The following ATP2B2 variants were observed in gnomAD, a reference collection of about 807,000 sequenced individuals.
ATP2B2 encodes the protein plasma membrane calcium-transporting ATPase 2.
Under a neutral mutation model 120.0 loss-of-function variants are expected in ATP2B2, and 15 were observed. The ratio of observed to expected loss-of-function variants is 0.12; its 90% confidence interval spans 0.08 to 0.19. ATP2B2 has a LOEUF of 0.19. Among genes scored for constraint, ATP2B2 ranks in the 10% least tolerant of loss-of-function variants. ATP2B2 has a pLI of 1.00. For synonymous variants in ATP2B2, 694 were observed against 700.3 expected, an observed-to-expected ratio of 0.99 and a Z score of 0.14; for missense variants, 1,045 against 1,719.8, an observed-to-expected ratio of 0.61 and a Z score of 6.94.
At chr3:10,536,980 C>T (rs2067331604) in intron 2 of ATP2B2, among the ~76,000 whole-genome samples, 1 of 152,190 alleles carries the variant, frequency 6.6e-6, no homozygotes, top group South Asian at 2.1e-4. Flanking sequence ...TGCTCTAGCA[C>T]CATTTGTTGA....
chr3:10,383,716 G>C (rs954484197), intron 8 of ATP2B2, among the ~76,000 whole-genome samples: 3 of 152,220 alleles, frequency 2.0e-5, no homozygotes, highest in African/African-American at 7.2e-5. Flanking sequence ...GTGTCATGAG[G>C]ATTAAATGAG....
chr3:10,698,966 G>T (rs559824426), intron 1 of ATP2B2, among the ~76,000 whole-genome samples: 3 of 152,156 alleles, frequency 2.0e-5, no homozygotes, highest in Non-Finnish European at 4.4e-5. Context: ...TCACCTGTGG[G>T]ATGGTCTTCT....
chr3:10,474,633 G>A (rs2065137297), intron 1 of ATP2B2, among the ~76,000 whole-genome samples: 1 of 152,220 alleles, frequency 6.6e-6, no homozygotes, highest in Non-Finnish European at 1.5e-5. Context: ...ACACACGCCT[G>A]CCTGCTTCTT....
At chr3:10,479,086 C>T (rs1029492010) in intron 1 of ATP2B2, among the ~76,000 whole-genome samples, 6 of 125,834 alleles carry the variant, frequency 4.8e-5, no homozygotes, top group Admixed American at 2.5e-4. Context: ...GTCAATTAAA[C>T]CTCTTTTTAA....
At chr3:10,385,233 C>A in intron 8 of ATP2B2, 35 bp downstream of exon 8, 1 of 1,607,814 alleles carries the variant, frequency 6.2e-7, no homozygotes, top group Non-Finnish European at 8.5e-7. Context: ...GACGCCCATC[C>A]AACCATGACC....
intron 1 of ATP2B2, among the ~76,000 whole-genome samples, chr3:10,657,008 G>A (rs1193908829): frequency 6.6e-6 from 1 of 151,658 alleles, no homozygotes; most frequent in Non-Finnish European, 1.5e-5. Flanking sequence ...AGGGGTTTGG[G>A]TTTTTTTTTC....
At chr3:10,646,883 G>A (rs1205048748) in intron 1 of ATP2B2, among the ~76,000 whole-genome samples, 4 of 152,216 alleles carry the variant, frequency 2.6e-5, no homozygotes, top group Non-Finnish European at 5.9e-5. Context: ...CATCGGAACA[G>A]AATTCAGGTT....
intron 1 of ATP2B2, among the ~76,000 whole-genome samples, chr3:10,479,496 G>T (rs2065323639): frequency 6.6e-6 from 1 of 151,784 alleles, no homozygotes; most frequent in South Asian, 2.1e-4. Context: ...CATCCTGGTT[G>T]TATTTTAAAC....
At position 10,336,306 on chromosome 3, in the gene ATP2B2, A is replaced by G. The variant is rs774773122; in HGVS notation, c.3420+1870T>C. On this transcript the variant is annotated intron_variant, in intron 22 of 22. Coordinates refer to ENST00000360273, the MANE Select transcript of ATP2B2 (RefSeq NM_001001331.4). ...AAAGTATTGACTACTTCAATCTGCA[A>G]CGGAGGAGAGAACGAGACAAGTTGC... The G allele has an allele frequency of 1.2e-5, 18 of 1,550,174 alleles. No homozygotes were observed. The African/African-American group carries it at 1.6e-4, about 14-fold the overall frequency.
chr3:10,699,420 G>A (rs1351814402), intron 1 of ATP2B2, among the ~76,000 whole-genome samples: 1 of 152,180 alleles, frequency 6.6e-6, no homozygotes, highest in African/African-American at 2.4e-5. Context: ...CATTATTACT[G>A]AGTGAAAGAA....
chr3:10,647,297 G>A (rs2070346288), intron 1 of ATP2B2, among the ~76,000 whole-genome samples: 1 of 152,194 alleles, frequency 6.6e-6, no homozygotes, highest in South Asian at 2.1e-4. Flanking sequence ...AAGTCAAGTG[G>A]TGGATGTGAG....
At chr3:10,353,390 G>T in intron 14 of ATP2B2, among the ~76,000 whole-genome samples, 1 of 152,224 alleles carries the variant, frequency 6.6e-6, no homozygotes, top group African/African-American at 2.4e-5. Context: ...CTGGCATTGT[G>T]CCAGGGCTGA....
chr3:10,651,464 C>T (rs149646757), intron 1 of ATP2B2, among the ~76,000 whole-genome samples: 3,660 of 152,292 alleles, frequency 0.024, 74 homozygotes, highest in South Asian at 0.087. Flanking sequence ...TCTGCTGCCA[C>T]GTGAGATGTG....
At chr3:10,560,690 C>A (rs978657800) in intron 2 of ATP2B2, among the ~76,000 whole-genome samples, 5 of 152,198 alleles carry the variant, frequency 3.3e-5, no homozygotes, top group African/African-American at 1.2e-4. Flanking sequence ...TGAAGGAATG[C>A]AATACCCTCC....
At position 10,340,666 on chromosome 3, in the gene ATP2B2, G is replaced by C. The variant is rs1194938859; in HGVS notation, c.2956C>G (p.Pro986Ala). The C allele has an allele frequency of 1.9e-6, 3 of 1,614,216 alleles. No individual in the cohort carries two copies. Among genetic ancestry groups the C allele is most frequent in the Non-Finnish European group, 1.7e-6 (2 of 1,180,042 alleles). ...TGTTCTGAGGGTGGCGAATGCAGGG[G>C]CGCGTTCCTCCCGCTGTCGATCTGG... ...MFQIDSGRNAPLHSPPSEHYT... is the reference protein window; with the variant it reads ...MFQIDSGRNAALHSPPSEHYT... Residue 986 changes from proline (P) to alanine (A), a missense_variant, in exon 20 of 23, where the codon CCC (proline) becomes GCC (alanine). By Grantham distance (27) the Pro-to-Ala change is conservative. Coordinates refer to ENST00000360273, the MANE Select transcript of ATP2B2 (RefSeq NM_001001331.4). This position sits in a 1 kb window ranked among gnomAD's most constrained non-coding sequence, Gnocchi z 5.0.
At chr3:10,586,849 T>C (rs1286255102) in intron 2 of ATP2B2, among the ~76,000 whole-genome samples, 1 of 152,120 alleles carries the variant, frequency 6.6e-6, no homozygotes, top group Non-Finnish European at 1.5e-5. Context: ...CTGAGTCCCT[T>C]TGTCACACCC....
chr3:10,358,897 C>G lies in ATP2B2; in HGVS notation c.1930G>C (p.Glu644Gln). ...KCCKILNGAG[E>Q]PRVFRPRDRD... Reference sequence around the variant, plus strand: ...TCGCGGGGCCGGAAGACACGAGGCTCTCCCGCCCCATTGAGGATTTTGCAG... The same window carrying G: ...TCGCGGGGCCGGAAGACACGAGGCTGTCCCGCCCCATTGAGGATTTTGCAG... Residue 644 changes from glutamate to glutamine, a missense_variant, in exon 14 of 23, where the codon GAG (glutamate) becomes CAG (glutamine). By Grantham distance (29) the Glu-to-Gln change is conservative. Transcript: ENST00000360273. The G allele has an allele frequency of 6.2e-7, 1 of 1,614,018 alleles. No individual in the cohort carries two copies. The highest frequency in any genetic ancestry group is 1.3e-5 in the African/African-American group (1 of 75,062).
chr3:10,613,219 G>A (rs2069289223), intron 2 of ATP2B2, among the ~76,000 whole-genome samples: 1 of 152,212 alleles, frequency 6.6e-6, no homozygotes, highest in Non-Finnish European at 1.5e-5. Flanking sequence ...TGAAAAATGT[G>A]TGGGAGCTCT....
At chr3:10,485,774 T>G (rs2065624430) in intron 1 of ATP2B2, among the ~76,000 whole-genome samples, 1 of 152,016 alleles carries the variant, frequency 6.6e-6, no homozygotes, top group Admixed American at 6.5e-5. Context: ...CAGGCCTGCC[T>G]TCCCGGCTCA....
Sources: gnomAD v4.1 joint callset for allele counts (sites outside exome capture counted in the v4.1 genomes callset) on GRCh38, gnomAD v4.1.1 for gene constraint, Gnocchi (gnomAD v3.1) non-coding constraint, MANE v1.5 for transcripts, NCBI Gene and HGNC (gene_info 2026-07-23, HGNC 2026-07-21) for gene names.